Variants in DOCK3 observed in about 807,000 individuals in gnomAD.
The protein encoded by DOCK3 is dedicator of cytokinesis 3, also known as dedicator of cytokinesis protein 3.
Under a neutral mutation model 265.6 loss-of-function variants are expected in DOCK3, and 60 were observed. The observed-to-expected ratio is 0.23, with a 90% CI of 0.18 to 0.28. DOCK3 has a LOEUF of 0.28. Among genes scored for constraint, DOCK3 ranks in the 10% least tolerant of loss-of-function variants. The pLI is 1.00. For synonymous variants in DOCK3, 881 were observed against 938.0 expected (o/e 0.94, Z 1.11); for missense variants, 1,981 against 2,594.3 (o/e 0.76, Z 5.14).
rs775557882 is a variant in DOCK3 at position 51,362,639 on chromosome 3, C to G, written c.5258C>G (p.Ser1753Cys). ...CTGAGTTCCACTCACTCAGCACCAT[C>G]CCAGATGATTACCTCTGCCCCTTCC... is the stretch of plus-strand genomic sequence containing the variant. ...SSLSSTHSAP[S>C]QMITSAPSSA... is the part of the protein sequence containing the mutation. Residue 1753 changes from serine to cysteine, a missense_variant, in exon 49 of 53, where the codon TCC becomes TGC. By Grantham distance (112) the Ser-to-Cys change is moderately radical (BLOSUM62 -1). Coordinates refer to ENST00000266037, the MANE Select transcript of DOCK3 (RefSeq NM_004947.5). 1.2e-6 allele frequency: 2 copies of G among 1,613,910 alleles called. No homozygotes were observed. The highest frequency in any genetic ancestry group is 4.5e-5 in the East Asian group (2 of 44,876).
chr3:50,815,498 C>T (rs1393692046), intron 2 of DOCK3, among the ~76,000 whole-genome samples: 4 of 152,186 alleles, frequency 2.6e-5, no homozygotes, highest in African/African-American at 9.7e-5. Flanking sequence ...CGTCTCTTTT[C>T]ATCTTGAACC....
intron 3 of DOCK3, among the ~76,000 whole-genome samples, chr3:50,854,113 T>C (rs2046466599): frequency 6.6e-6 from 1 of 152,176 alleles, no homozygotes; most frequent in Non-Finnish European, 1.5e-5. Context: ...GTGTCTTCTT[T>C]TGAGACGTGT....
intron 9 of DOCK3, among the ~76,000 whole-genome samples, chr3:51,141,105 G>A (rs1267228032): frequency 6.6e-6 from 1 of 150,696 alleles, no homozygotes; most frequent in African/African-American, 2.4e-5. Context: ...CCCTTTTTTT[G>A]TTGTTGCTTG....
intron 5 of DOCK3, among the ~76,000 whole-genome samples, chr3:50,982,437 T>C (rs1575674837): frequency 6.6e-6 from 1 of 152,000 alleles, no homozygotes; most frequent in Admixed American, 6.5e-5. Flanking sequence ...CTGGCTGCAG[T>C]GGGGAGGTGC....
At chr3:50,902,608 T>G (rs904199272) in intron 4 of DOCK3, among the ~76,000 whole-genome samples, 2 of 152,166 alleles carry the variant, frequency 1.3e-5, no homozygotes, top group East Asian at 1.9e-4. Context: ...TGAAGTTGGA[T>G]AGTGATGCCT....
intron 17 of DOCK3, 87 bp downstream of exon 17, chr3:51,228,175 T>C (rs2090408667): frequency 3.0e-6 from 4 of 1,344,626 alleles, no homozygotes; most frequent in South Asian, 1.2e-5. Context: ...TGGTTTTCAC[T>C]GGGCAGGCCA....
intron 21 of DOCK3, among the ~76,000 whole-genome samples, chr3:51,241,064 G>C (rs930604127): frequency 6.6e-6 from 1 of 152,128 alleles, no homozygotes; most frequent in Non-Finnish European, 1.5e-5. Flanking sequence ...GGCTGGTATT[G>C]GTCTTTTCTT....
At chr3:51,357,368 T>C (rs2086433811) in intron 44 of DOCK3, among the ~76,000 whole-genome samples, 1 of 152,172 alleles carries the variant, frequency 6.6e-6, no homozygotes, top group Non-Finnish European at 1.5e-5. Context: ...AGATGGGTAA[T>C]CTGTAATCCT....
chr3:51,092,614 T>C (rs772288455), intron 9 of DOCK3, among the ~76,000 whole-genome samples: 2 of 152,204 alleles, frequency 1.3e-5, no homozygotes, highest in Admixed American at 6.5e-5. Context: ...CCCTGCCTGA[T>C]GGCTCTGAAG....
At chr3:51,193,153 T>C (rs920795825) in intron 12 of DOCK3, among the ~76,000 whole-genome samples, 3 of 152,226 alleles carry the variant, frequency 2.0e-5, no homozygotes, top group African/African-American at 7.2e-5. Flanking sequence ...TCAAATTTTC[T>C]TCTACATTTG....
At chr3:51,053,908 A>C (rs928949116) in intron 5 of DOCK3, among the ~76,000 whole-genome samples, 3 of 152,046 alleles carry the variant, frequency 2.0e-5, no homozygotes, top group Non-Finnish European at 4.4e-5. Context: ...GCATAAATGA[A>C]AATCTGACTA....
At chr3:50,928,029 G>A (rs2108105086) in intron 4 of DOCK3, among the ~76,000 whole-genome samples, 1 of 151,672 alleles carries the variant, frequency 6.6e-6, no homozygotes, top group African/African-American at 2.4e-5. Flanking sequence ...CATCAGTACT[G>A]TCTTGCAGCT....
chr3:51,141,333 A>G (rs1440185138), intron 9 of DOCK3, among the ~76,000 whole-genome samples: 6 of 147,680 alleles, frequency 4.1e-5, no homozygotes, highest in Non-Finnish European at 7.4e-5. Flanking sequence ...AAGGGGTATA[A>G]TTTATTGAAG....
intron 32 of DOCK3, among the ~76,000 whole-genome samples, chr3:51,321,592 A>G (rs1402562855): frequency 6.6e-6 from 1 of 152,180 alleles, no homozygotes; most frequent in Non-Finnish European, 1.5e-5. Flanking sequence ...AAAAGGTTAG[A>G]CGAATTGCTA....
At chr3:51,260,364 T>C in intron 23 of DOCK3, 38 bp downstream of exon 23, 1 of 1,557,246 alleles carries the variant, frequency 6.4e-7, no homozygotes, top group Non-Finnish European at 8.7e-7. Context: ...GCTGGGTTCC[T>C]CTTTCTCAGT....
chr3:50,683,829 G>A (rs1034456573), intron 1 of DOCK3, among the ~76,000 whole-genome samples: 2 of 11,512 alleles, frequency 1.7e-4, no homozygotes, highest in African/African-American at 2.6e-4. Flanking sequence ...TCCCCTCCCC[G>A]CTCTCCTCCC....
chr3:51,149,396 G>A (rs920106670), intron 10 of DOCK3, among the ~76,000 whole-genome samples: 2 of 152,156 alleles, frequency 1.3e-5, no homozygotes, highest in South Asian at 4.1e-4. Flanking sequence ...AGTGGTGAGA[G>A]AGGGCATCCC....
intron 1 of DOCK3, among the ~76,000 whole-genome samples, chr3:50,694,437 G>A (rs1048916739): frequency 2.0e-5 from 3 of 152,124 alleles, no homozygotes; most frequent in African/African-American, 7.2e-5. Context: ...TAGTTCAATA[G>A]GGTATTCTTT....
At chr3:51,133,950 G>A (rs1353452576) in intron 9 of DOCK3, among the ~76,000 whole-genome samples, 1 of 151,988 alleles carries the variant, frequency 6.6e-6, no homozygotes, top group East Asian at 1.9e-4. Context: ...CCCTCAGTGG[G>A]CCCCAGTGTC....
Sources: allele counts gnomAD v4.1 joint callset (sites outside exome capture counted in the v4.1 genomes callset), GRCh38; gene constraint gnomAD v4.1.1; transcripts MANE v1.5; gene names NCBI Gene and HGNC (gene_info 2026-07-23, HGNC 2026-07-21).